XYLT1: variants seen among roughly 807,000 people sequenced by gnomAD.
XYLT1 encodes the protein beta-D-xylosyltransferase 1.
In XYLT1, 36 loss-of-function variants were observed where a neutral mutation model predicts 91.3. The observed-to-expected ratio is 0.39, with a 90% CI of 0.30 to 0.52. The LOEUF is 0.52. Among genes scored for constraint, XYLT1 ranks in the 20% least tolerant of loss-of-function variants. XYLT1 has a pLI of 0.68. For synonymous variants in XYLT1, 588 were observed against 532.0 expected (o/e 1.11, Z -1.45); for missense variants, 1,242 against 1,284.5 (o/e 0.97, Z 0.51).
rs909718605 is a variant in XYLT1, at chr16:17,221,208, G to A, written c.914-20554C>T. ...CATGTCCTATAGTCAATAAAGCTAC[G>A]GGAAGCTGACTGATTGGCAAAAAAC... is the stretch of plus-strand genomic sequence containing the variant. On this transcript the variant is annotated intron_variant, in intron 3 of 11. Transcript: ENST00000261381. 5.3e-5 allele frequency among the ~76,000 whole-genome samples: 8 copies of A among 152,168 alleles called. No individual in the cohort carries two copies. The East Asian group carries it at 9.7e-4, about 18-fold the overall frequency.
At chr16:17,154,573 C>T (rs2031360162) in intron 6 of XYLT1, among the ~76,000 whole-genome samples, 1 of 152,192 alleles carries the variant, frequency 6.6e-6, no homozygotes, top group African/African-American at 2.4e-5. Flanking sequence ...CATGCGGCCA[C>T]CTGCTTCTGC....
chr16:17,426,308 C>T lies in XYLT1; in HGVS notation c.363+44126G>A, dbSNP rs536599395. Among the ~76,000 whole-genome samples, 7 of 152,188 alleles carry T rather than the reference C, an allele frequency of 4.6e-5. No homozygotes were observed. The East Asian group carries it at 1.2e-3, about 25-fold the overall frequency. On this transcript the variant is annotated intron_variant, in intron 1 of 11. Coordinates refer to ENST00000261381, the MANE Select transcript of XYLT1 (RefSeq NM_022166.4). The stretch of plus-strand genomic sequence containing the variant: ...GGCACGGTGGCTCATACCTGTAATC[C>T]CACCACTTTGGGAGGCCGAGGCAGA...
chr16:17,412,514 C>G (rs971114501), intron 1 of XYLT1, among the ~76,000 whole-genome samples: 1 of 133,668 alleles, frequency 7.5e-6, no homozygotes, highest in Non-Finnish European at 1.5e-5. Flanking sequence ...ACCGTGGTAA[C>G]CAAATTCAAA....
chr16:17,380,283 G>A (rs556363002), intron 1 of XYLT1, among the ~76,000 whole-genome samples: 2 of 152,222 alleles, frequency 1.3e-5, no homozygotes, highest in African/African-American at 2.4e-5. Context: ...CCCAGAATCT[G>A]TCTCTAAATA....
At chr16:17,461,144 T>C (rs1197834669) in intron 1 of XYLT1, among the ~76,000 whole-genome samples, 2 of 152,200 alleles carry the variant, frequency 1.3e-5, no homozygotes. Context: ...TCCAGGGTTG[T>C]TTCATGAGCT....
chr16:17,165,069 C>T (rs1190447363), intron 5 of XYLT1, among the ~76,000 whole-genome samples: 1 of 152,244 alleles, frequency 6.6e-6, no homozygotes, highest in African/African-American at 2.4e-5. Context: ...AATGGCAGGG[C>T]CTATTGTAAC....
At position 17,279,734 on chromosome 16, in the gene XYLT1, C is replaced by T. The variant is rs1258268205; in HGVS notation, c.403-20236G>A. 7.9e-5 allele frequency among the ~76,000 whole-genome samples: 12 copies of T among 152,266 alleles called. 2 individuals are homozygous for T. The highest frequency in any genetic ancestry group is 5.8e-4 in the East Asian group (3 of 5,172). On this transcript the variant is annotated intron_variant, in intron 2 of 11. Coordinates refer to ENST00000261381, the MANE Select transcript of XYLT1 (RefSeq NM_022166.4). Reference sequence around the variant, plus strand: ...CTGTCAAGATGGCCAAAGAAGACCACGAGAGTCAGGCTAGGCCTCCTCCTC... The same window carrying T: ...CTGTCAAGATGGCCAAAGAAGACCATGAGAGTCAGGCTAGGCCTCCTCCTC...
chr16:17,334,372 T>G (rs1228325453), intron 2 of XYLT1, among the ~76,000 whole-genome samples: 2 of 152,080 alleles, frequency 1.3e-5, no homozygotes, highest in African/African-American at 4.8e-5. Context: ...CCAAGTCCCT[T>G]CTCTACAGCC....
chr16:17,158,797 A>G (rs1325534074), intron 6 of XYLT1, 32 bp downstream of exon 6: 1 of 1,609,618 alleles, frequency 6.2e-7, no homozygotes, highest in Middle Eastern at 1.7e-4. Context: ...TTTCATTTCC[A>G]TTTTGTACAG....
chr16:17,299,930 C>G (rs2034369545), intron 2 of XYLT1, among the ~76,000 whole-genome samples: 1 of 152,164 alleles, frequency 6.6e-6, no homozygotes, highest in Non-Finnish European at 1.5e-5. Flanking sequence ...ACCCCGGCAG[C>G]AGGAATGGAA....
At chr16:17,413,952 G>C (rs1015543936) in intron 1 of XYLT1, among the ~76,000 whole-genome samples, 15 of 152,268 alleles carry the variant, frequency 9.9e-5, no homozygotes, top group African/African-American at 3.4e-4. Context: ...GTAGCAGGCA[G>C]CTAGAGACCC....
At chr16:17,465,819 C>T (rs1469650618) in intron 1 of XYLT1, among the ~76,000 whole-genome samples, 1 of 152,180 alleles carries the variant, frequency 6.6e-6, no homozygotes, top group African/African-American at 2.4e-5. Flanking sequence ...TTTTTGAACA[C>T]TGATTAAGGA....
At chr16:17,364,572 G>A (rs892676370) in intron 1 of XYLT1, among the ~76,000 whole-genome samples, 7 of 152,160 alleles carry the variant, frequency 4.6e-5, no homozygotes, top group African/African-American at 1.4e-4. Flanking sequence ...GCAAGTTACC[G>A]TAGATACGAG....
At chr16:17,195,202 C>T (rs758239741) in intron 5 of XYLT1, among the ~76,000 whole-genome samples, 3 of 152,158 alleles carry the variant, frequency 2.0e-5, no homozygotes, top group Admixed American at 6.5e-5. Flanking sequence ...GATGATGCTA[C>T]GCATCCTGCA....
intron 3 of XYLT1, among the ~76,000 whole-genome samples, chr16:17,256,463 C>T (rs1468596132): frequency 6.6e-6 from 1 of 151,902 alleles, no homozygotes; most frequent in Non-Finnish European, 1.5e-5. Context: ...CCAGCCTGGC[C>T]AAGATGGTGA....
At chr16:17,261,659 G>T (rs1480996157) in intron 2 of XYLT1, among the ~76,000 whole-genome samples, 2 of 152,176 alleles carry the variant, frequency 1.3e-5, no homozygotes, top group East Asian at 1.9e-4. Flanking sequence ...CCTCCAAATT[G>T]CAATCTTCAG....
chr16:17,230,784 A>C (rs938521686), intron 3 of XYLT1, among the ~76,000 whole-genome samples: 6 of 152,150 alleles, frequency 3.9e-5, no homozygotes, highest in African/African-American at 1.4e-4. Context: ...TCTATGCTTT[A>C]AATAAGCTAA....
chr16:17,317,494 A>G (rs2141826928), intron 2 of XYLT1, among the ~76,000 whole-genome samples: 1 of 151,426 alleles, frequency 6.6e-6, no homozygotes, highest in Admixed American at 6.6e-5. Flanking sequence ...TTAGCTGGGT[A>G]TGGTAGCATG....
At chr16:17,360,930 C>T (rs2035373654) in intron 1 of XYLT1, among the ~76,000 whole-genome samples, 1 of 152,162 alleles carries the variant, frequency 6.6e-6, no homozygotes. Context: ...CATGGAACCG[C>T]CTACAACAAG....
Sources: gnomAD v4.1 joint callset for allele counts (sites outside exome capture counted in the v4.1 genomes callset) on GRCh38, gnomAD v4.1.1 for gene constraint, MANE v1.5 for transcripts, NCBI Gene and HGNC (gene_info 2026-07-23, HGNC 2026-07-21) for gene names.